The following ARID5B variants were observed in gnomAD, a reference collection of about 807,000 sequenced individuals.
ARID5B encodes AT-rich interaction domain 5B.
ARID5B carries 13 observed loss-of-function variants against 97.2 expected under a neutral mutation model. The ratio of observed to expected loss-of-function variants is 0.13; its 90% CI spans 0.09 to 0.21. The LOEUF (loss-of-function observed/expected upper bound fraction) is 0.21, where lower values mean the gene tolerates loss of function less well. ARID5B is among the 10% of genes least tolerant of loss of function. The pLI, the probability that ARID5B is intolerant of heterozygous loss-of-function variation, is 1.00. For synonymous variants in ARID5B, 556 were observed against 570.3 expected, an observed-to-expected ratio of 0.97 and a Z score of 0.36; for missense variants, 1,210 against 1,465.3, an observed-to-expected ratio of 0.83 and a Z score of 2.84.
chr10:61,912,454 GGT>G (rs1346068392), intron 2 of ARID5B, among the ~76,000 whole-genome samples: 1 of 151,830 alleles, frequency 6.6e-6, no homozygotes, highest in African/African-American at 2.4e-5. Flanking sequence ...GGATAACTGA[GGT>G]GATGAATGTT....
intron 2 of ARID5B, among the ~76,000 whole-genome samples, chr10:61,910,101 C>T (rs2132757169): frequency 6.6e-6 from 1 of 152,246 alleles, no homozygotes; most frequent in Middle Eastern, 3.4e-3. Context: ...TTTGATAGTG[C>T]CTCACAATTG....
At chr10:62,019,934 T>C (rs2132889837) in intron 4 of ARID5B, among the ~76,000 whole-genome samples, 1 of 152,328 alleles carries the variant, frequency 6.6e-6, no homozygotes, top group South Asian at 2.1e-4. Context: ...TTTTGTGGGT[T>C]TTCTTACAGA....
intron 3 of ARID5B, among the ~76,000 whole-genome samples, chr10:61,966,242 A>T (rs1365962369): frequency 6.6e-6 from 1 of 152,168 alleles, no homozygotes; most frequent in East Asian, 1.9e-4. Context: ...AAATATATGC[A>T]TGATTTTAAG....
At position 61,976,120 on chromosome 10, in the gene ARID5B, T is replaced by C. The variant is rs191392113; in HGVS notation, c.503-23971T>C. 2.8e-3 allele frequency among the ~76,000 whole-genome samples: 423 copies of C among 152,358 alleles called. 1 individual carries two copies. The highest frequency in any genetic ancestry group is 9.1e-3 in the African/African-American group (378 of 41,584). ...CATGCCTTCAGGCATACTTTGCCAATAGAATGCTCTTCAATGATGGAAATA... is the reference window on the plus strand; with the variant it reads ...CATGCCTTCAGGCATACTTTGCCAACAGAATGCTCTTCAATGATGGAAATA... On this transcript the variant is annotated intron_variant, in intron 3 of 9. Coordinates refer to ENST00000279873, the MANE Select transcript of ARID5B (RefSeq NM_032199.3).
intron 7 of ARID5B, among the ~76,000 whole-genome samples, chr10:62,069,362 T>C (rs1840032587): frequency 6.6e-6 from 1 of 152,242 alleles, no homozygotes; most frequent in South Asian, 2.1e-4. Context: ...AAAACCTGAT[T>C]TTATTTTGAT....
At chr10:61,957,780 A>G (rs1838412011) in intron 3 of ARID5B, among the ~76,000 whole-genome samples, 1 of 152,218 alleles carries the variant, frequency 6.6e-6, no homozygotes, top group Non-Finnish European at 1.5e-5. Flanking sequence ...TTTTAATGAA[A>G]ATTTAAAATA....
intron 3 of ARID5B, among the ~76,000 whole-genome samples, chr10:61,976,811 T>C (rs1391718652): frequency 6.6e-6 from 1 of 152,188 alleles, no homozygotes; most frequent in African/African-American, 2.4e-5. Context: ...CAGTTCCATT[T>C]TGAGTTATCC....
chr10:61,909,687 A>G (rs1262921018), intron 2 of ARID5B, among the ~76,000 whole-genome samples: 1 of 152,104 alleles, frequency 6.6e-6, no homozygotes, highest in Non-Finnish European at 1.5e-5. Flanking sequence ...CACACAGTCT[A>G]CCTTTTTTAA....
intron 4 of ARID5B, among the ~76,000 whole-genome samples, chr10:62,032,889 T>A (rs938378571): frequency 2.6e-5 from 4 of 152,306 alleles, no homozygotes; most frequent in Non-Finnish European, 4.4e-5. Flanking sequence ...AGGTAGAATT[T>A]GGTCTCCTAT....
intron 4 of ARID5B, among the ~76,000 whole-genome samples, chr10:62,005,748 C>G (rs1354430100): frequency 1.3e-5 from 2 of 152,174 alleles, no homozygotes; most frequent in Admixed American, 6.5e-5. Context: ...TAATTTGAAG[C>G]ATAAAGGATG....
chr10:61,924,541 CT>C (rs58056612), intron 2 of ARID5B, among the ~76,000 whole-genome samples: 2 of 152,230 alleles, frequency 1.3e-5, no homozygotes, highest in East Asian at 3.9e-4. Context: ...ATCCCACTGC[CT>C]TTGTACATGT....
intron 2 of ARID5B, among the ~76,000 whole-genome samples, chr10:61,918,497 T>C (rs1031089981): frequency 6.6e-6 from 1 of 152,220 alleles, no homozygotes; most frequent in African/African-American, 2.4e-5. Context: ...GAAGTCTTAG[T>C]GCTAGGCTGT....
intron 3 of ARID5B, among the ~76,000 whole-genome samples, chr10:61,952,270 G>A (rs1838333472): frequency 6.6e-6 from 1 of 152,158 alleles, no homozygotes; most frequent in Non-Finnish European, 1.5e-5. Flanking sequence ...AGTCCTACCT[G>A]TGGGAATTCT....
In ARID5B at chr10:62,000,761, C is replaced by T. The variant is rs1839067173; in HGVS notation, c.733+440C>T. Among the ~76,000 whole-genome samples the T allele has an allele frequency of 6.6e-6, 1 of 152,028 alleles. No homozygotes were observed. Among genetic ancestry groups the T allele is most frequent in the Admixed American group, 6.6e-5 (1 of 15,252 alleles). ...AGATAAATAGATAGAAAGAAAACAA[C>T]TTCAGTACTGTATGGTGGATAAATA... On this transcript the variant is annotated intron_variant, in intron 4 of 9. Coordinates refer to ENST00000279873, the MANE Select transcript of ARID5B (RefSeq NM_032199.3). The surrounding 1 kb of genome is among the most constrained non-coding windows in gnomAD (Gnocchi z 4.4).
intron 3 of ARID5B, among the ~76,000 whole-genome samples, chr10:61,985,850 T>G (rs1434191026): frequency 6.6e-6 from 1 of 151,902 alleles, no homozygotes; most frequent in East Asian, 1.9e-4. Context: ...TTCTAAGGGG[T>G]TAAAAGTAAA....
intron 9 of ARID5B, among the ~76,000 whole-genome samples, chr10:62,089,003 C>T (rs1016079441): frequency 2.0e-5 from 3 of 152,128 alleles, no homozygotes; most frequent in South Asian, 2.1e-4. Context: ...TTTTACAACC[C>T]GAAGCATGGG....
At position 61,902,291 on chromosome 10, in the gene ARID5B, A is replaced by G; in HGVS notation, c.154A>G (p.Ile52Val). 1 of 1,614,012 alleles carries G rather than the reference A, an allele frequency of 6.2e-7. No homozygotes were observed. The highest frequency in any genetic ancestry group is 1.7e-5 in the Admixed American group (1 of 60,012). The change falls in exon 2 of 10, where the codon ATT becomes GTT. Residue 52 changes from isoleucine to valine, a missense_variant. This residue lies in a region of ARID5B where 80 missense variants were observed against 133.2 expected (regional missense o/e 0.60). Coordinates refer to ENST00000279873, the MANE Select transcript of ARID5B (RefSeq NM_032199.3). ...TGTAAGATGTACGCCAAAGGATCCG[A>G]TTTGCATAGCGGAGCTCCAGCTGTT... ...FFVRCTPKDP[I>V]CIAELQLLWE...
chr10:61,966,045 C>G (rs1469094451), intron 3 of ARID5B, among the ~76,000 whole-genome samples: 1 of 152,088 alleles, frequency 6.6e-6, no homozygotes, highest in Non-Finnish European at 1.5e-5. Context: ...GTTTGTGTTG[C>G]AGAAAGTAAA....
intron 1 of ARID5B, 105 bp from the exon 2 acceptor site, chr10:61,902,054 G>T: frequency 7.5e-7 from 1 of 1,339,774 alleles, no homozygotes; most frequent in Non-Finnish European, 1.0e-6. Flanking sequence ...CTGTTGGGTC[G>T]TCTGTATTAA....
Sources: allele counts gnomAD v4.1 joint callset (sites outside exome capture counted in the v4.1 genomes callset), GRCh38; gene constraint gnomAD v4.1.1; regional missense constraint gnomAD v4.1.1; non-coding constraint Gnocchi (gnomAD v3.1); transcripts MANE v1.5; gene names NCBI Gene and HGNC (gene_info 2026-07-23, HGNC 2026-07-21).